PLCE1: variants seen among roughly 807,000 people sequenced by gnomAD.
PLCE1 encodes the protein phospholipase C epsilon 1.
Under a neutral mutation model 242.8 loss-of-function variants are expected in PLCE1, and 119 were observed. The ratio of observed to expected loss-of-function variants is 0.49; its 90% CI spans 0.42 to 0.57. The LOEUF is 0.57. PLCE1 is among the 20% of genes least tolerant of loss of function. PLCE1 has a pLI of 0.00. For synonymous variants in PLCE1, 945 were observed against 1,017.4 expected, an observed-to-expected ratio of 0.93 and a Z score of 1.35; for missense variants, 2,441 against 2,788.8, an observed-to-expected ratio of 0.88 and a Z score of 2.81.
At chr10:94,037,083 C>A (rs1381209665) in intron 2 of PLCE1, among the ~76,000 whole-genome samples, 1 of 152,210 alleles carries the variant, frequency 6.6e-6, no homozygotes, top group African/African-American at 2.4e-5. Context: ...AAAGCAGCTT[C>A]TGTATTGCTG....
At chr10:94,162,610 C>T (rs965866464) in intron 3 of PLCE1, among the ~76,000 whole-genome samples, 4 of 152,196 alleles carry the variant, frequency 2.6e-5, no homozygotes, top group African/African-American at 7.2e-5. Context: ...AAACCAGCTC[C>T]TGGATTCATT....
intron 2 of PLCE1, among the ~76,000 whole-genome samples, chr10:94,049,028 T>C (rs1365542172): frequency 6.6e-6 from 1 of 152,064 alleles, no homozygotes; most frequent in African/African-American, 2.4e-5. Flanking sequence ...CCTTCCAGAA[T>C]ACTGGGATTA....
intron 7 of PLCE1, 113 bp from the exon 8 acceptor site, chr10:94,245,833 G>T: frequency 1.2e-6 from 1 of 862,596 alleles, no homozygotes; most frequent in Non-Finnish European, 2.0e-6. Context: ...TATTTCCTAT[G>T]CTAATTTGAA....
At chr10:94,303,863 G>A (rs2133604251) in intron 24 of PLCE1, among the ~76,000 whole-genome samples, 1 of 152,150 alleles carries the variant, frequency 6.6e-6, no homozygotes, top group African/African-American at 2.4e-5. Context: ...TTGTCTCCTT[G>A]TTATTTTTCC....
intron 2 of PLCE1, chr10:94,089,249 G>C: frequency 6.2e-7 from 1 of 1,614,024 alleles, no homozygotes; most frequent in Non-Finnish European, 8.5e-7. Context: ...AGGGAAGCAG[G>C]CTGTCAGCTG....
chr10:94,325,676 A>G (rs2053988592), intron 32 of PLCE1: 1 of 152,140 alleles, frequency 6.6e-6, no homozygotes, highest in Admixed American at 6.5e-5. Flanking sequence ...TATTTTGTAG[A>G]TAAATAAGCA....
intron 2 of PLCE1, among the ~76,000 whole-genome samples, chr10:94,062,496 A>G (rs2044079422): frequency 6.6e-6 from 1 of 152,030 alleles, no homozygotes; most frequent in Non-Finnish European, 1.5e-5. Context: ...GAATTAAATG[A>G]GAATTTGCAG....
intron 18 of PLCE1, among the ~76,000 whole-genome samples, chr10:94,271,893 C>T (rs564871390): frequency 3.4e-4 from 52 of 152,166 alleles, no homozygotes; most frequent in East Asian, 1.4e-3. Flanking sequence ...CCACCTGAGC[C>T]GCAAACCCAG....
chr10:94,135,929 A>G (rs986816131), intron 3 of PLCE1, among the ~76,000 whole-genome samples: 4 of 152,214 alleles, frequency 2.6e-5, no homozygotes, highest in Non-Finnish European at 5.9e-5. Context: ...GGAGTCAGAA[A>G]ATTGCCCCAG....
intron 1 of PLCE1, among the ~76,000 whole-genome samples, chr10:94,008,012 C>T (rs567150878): frequency 6.7e-6 from 1 of 150,276 alleles, no homozygotes; most frequent in Non-Finnish European, 1.5e-5. Flanking sequence ...ACCCCCATCT[C>T]TCCAAAAAAA....
At chr10:94,097,278 C>T (rs937780990) in intron 2 of PLCE1, among the ~76,000 whole-genome samples, 19 of 152,250 alleles carry the variant, frequency 1.2e-4, no homozygotes, top group African/African-American at 4.6e-4. Context: ...TCCAGAGGCT[C>T]TTAAAGATTT....
chr10:94,309,552 C>G (rs1281472594), intron 27 of PLCE1, among the ~76,000 whole-genome samples: 1 of 152,056 alleles, frequency 6.6e-6, no homozygotes, highest in Non-Finnish European at 1.5e-5. Context: ...TTTTAAACTC[C>G]TGGACTCAAG....
chr10:94,030,001 T>G (rs886245493), intron 1 of PLCE1, among the ~76,000 whole-genome samples: 2 of 152,192 alleles, frequency 1.3e-5, no homozygotes, highest in Non-Finnish European at 2.9e-5. Context: ...AGTGCAGGCT[T>G]GTTAGTGATA....
intron 20 of PLCE1, among the ~76,000 whole-genome samples, chr10:94,281,963 C>T (rs1048451957): frequency 3.3e-5 from 5 of 151,728 alleles, no homozygotes; most frequent in African/African-American, 1.2e-4. Context: ...TGGGAAGCAC[C>T]GTTACCAGCC....
At chr10:94,224,270 G>A (rs1426467923) in intron 4 of PLCE1, among the ~76,000 whole-genome samples, 1 of 152,244 alleles carries the variant, frequency 6.6e-6, no homozygotes, top group African/African-American at 2.4e-5. Context: ...TAGCATTGTG[G>A]GAAAGTATAT....
rs1178557562 is a variant in PLCE1 at position 94,298,695 on chromosome 10, C to T, written c.5458+26C>T. Reference sequence around the variant, plus strand: ...GTAAGGGGCCTGCATGCTCACCTCGCTCCTTTGCATCTTACATTTCAGTAA... The same window carrying T: ...GTAAGGGGCCTGCATGCTCACCTCGTTCCTTTGCATCTTACATTTCAGTAA... On this transcript the variant is annotated intron_variant, in intron 24 of 32. Coordinates refer to ENST00000371380, the MANE Select transcript of PLCE1 (RefSeq NM_016341.4). This position sits in a 1 kb window ranked among gnomAD's most constrained non-coding sequence, Gnocchi z 5.2. The T allele has an allele frequency of 6.2e-7, 1 of 1,612,564 alleles. No individual in the cohort carries two copies. Among genetic ancestry groups the T allele is most frequent in the Non-Finnish European group, 8.5e-7 (1 of 1,178,756 alleles).
At chr10:94,301,826 AC>A (rs1334517995) in intron 24 of PLCE1, among the ~76,000 whole-genome samples, 1 of 152,236 alleles carries the variant, frequency 6.6e-6, no homozygotes, top group Non-Finnish European at 1.5e-5. Context: ...ACCCAGACTT[AC>A]AATGTGTAAA....
chr10:94,244,162 T>C (rs1010117098), intron 7 of PLCE1, among the ~76,000 whole-genome samples: 1 of 152,188 alleles, frequency 6.6e-6, no homozygotes, highest in African/African-American at 2.4e-5. Flanking sequence ...TAGAACCTGC[T>C]GTTTGAAAGC....
At chr10:94,211,208 C>A (rs533405613) in intron 4 of PLCE1, among the ~76,000 whole-genome samples, 2 of 152,354 alleles carry the variant, frequency 1.3e-5, no homozygotes, top group East Asian at 3.9e-4. Flanking sequence ...AGTGCTCTAG[C>A]AATTGCTGCT....
Sources: gnomAD v4.1 joint callset for allele counts (sites outside exome capture counted in the v4.1 genomes callset) on GRCh38, gnomAD v4.1.1 for gene constraint, Gnocchi (gnomAD v3.1) non-coding constraint, MANE v1.5 for transcripts, NCBI Gene and HGNC (gene_info 2026-07-23, HGNC 2026-07-21) for gene names.